Variants in MEIKIN observed in about 807,000 individuals in gnomAD.
MEIKIN encodes meiotic kinetochore factor.
intron 8 of MEIKIN, among the ~76,000 whole-genome samples, chr5:131,888,575 A>T (rs1561745344): frequency 6.6e-6 from 1 of 151,452 alleles, no homozygotes; most frequent in Non-Finnish European, 1.5e-5. Flanking sequence ...TTTTCTTGTA[A>T]ATTTGTTTGA....
intron 9 of MEIKIN, among the ~76,000 whole-genome samples, chr5:131,860,400 A>G (rs1750263645): frequency 6.9e-6 from 1 of 145,286 alleles, no homozygotes; most frequent in South Asian, 2.1e-4. Context: ...GCTTGTTTGC[A>G]TCCTGCGGCT....
chr5:131,896,937 G>A (rs1310146237), intron 8 of MEIKIN, among the ~76,000 whole-genome samples: 1 of 152,162 alleles, frequency 6.6e-6, no homozygotes, highest in Non-Finnish European at 1.5e-5. Context: ...GATGTTAGCT[G>A]GTTATTTTGC....
intron 4 of MEIKIN, among the ~76,000 whole-genome samples, chr5:131,934,151 C>T (rs940287856): frequency 2.0e-5 from 3 of 150,694 alleles, no homozygotes; most frequent in Admixed American, 6.6e-5. Flanking sequence ...TTAGTAGAGA[C>T]GGGGTTTTAC....
chr5:131,925,922 C>T (rs954089426), intron 5 of MEIKIN, among the ~76,000 whole-genome samples: 8 of 152,138 alleles, frequency 5.3e-5, no homozygotes, highest in African/African-American at 1.9e-4. Context: ...CCCGCCTTGG[C>T]CTCTTAAAGT....
intron 8 of MEIKIN, among the ~76,000 whole-genome samples, chr5:131,908,339 C>A (rs1751278627): frequency 6.6e-6 from 1 of 152,086 alleles, no homozygotes; most frequent in East Asian, 1.9e-4. Flanking sequence ...ACCATATGAT[C>A]ATTTAAATTA....
chr5:131,904,454 C>T (rs77522543), intron 8 of MEIKIN, among the ~76,000 whole-genome samples: 3,730 of 152,228 alleles, frequency 0.025, 63 homozygotes, highest in Non-Finnish European at 0.038. Context: ...TGAAATCATA[C>T]CAACCACTCT....
At chr5:131,888,346 T>C (rs1750840178) in intron 8 of MEIKIN, among the ~76,000 whole-genome samples, 2 of 142,212 alleles carry the variant, frequency 1.4e-5, no homozygotes, top group Admixed American at 1.4e-4. Flanking sequence ...AGTGTTCCTA[T>C]TTCTCCACAT....
chr5:131,850,662 C>T (rs563377756), intron 11 of MEIKIN, among the ~76,000 whole-genome samples: 1 of 151,978 alleles, frequency 6.6e-6, no homozygotes, highest in South Asian at 2.1e-4. Flanking sequence ...TAATACTATA[C>T]ACAAAAATTA....
intron 9 of MEIKIN, among the ~76,000 whole-genome samples, chr5:131,862,700 G>T (rs1045997667): frequency 2.6e-5 from 4 of 151,968 alleles, no homozygotes; most frequent in South Asian, 4.1e-4. Context: ...TTTATTTCAA[G>T]AATTTTTTTT....
chr5:131,873,712 C>G (rs191696758), intron 9 of MEIKIN, among the ~76,000 whole-genome samples: 18 of 152,156 alleles, frequency 1.2e-4, no homozygotes, highest in African/African-American at 3.9e-4. Context: ...TTCAGCACCA[C>G]ACCTATTCCA....
chr5:131,815,162 G>A (rs977494903), intron 12 of MEIKIN, among the ~76,000 whole-genome samples: 13 of 152,130 alleles, frequency 8.5e-5, no homozygotes, highest in South Asian at 2.1e-4. Flanking sequence ...AGGAACTCAC[G>A]TCACAGCAAA....
chr5:131,934,039 G>A (rs778537990), intron 4 of MEIKIN, among the ~76,000 whole-genome samples: 6 of 151,800 alleles, frequency 4.0e-5, no homozygotes, highest in Non-Finnish European at 8.8e-5. Flanking sequence ...TCCGCCTCCC[G>A]GGTCCCAGTT....
intron 7 of MEIKIN, among the ~76,000 whole-genome samples, chr5:131,915,570 G>GA (rs1751403844): frequency 6.6e-6 from 1 of 152,080 alleles, no homozygotes; most frequent in Admixed American, 6.5e-5. Flanking sequence ...AATTATGTCA[G>GA]AAAAACAGGC....
At chr5:131,870,503 G>A (rs967331381) in intron 9 of MEIKIN, among the ~76,000 whole-genome samples, 19 of 151,606 alleles carry the variant, frequency 1.3e-4, no homozygotes, top group East Asian at 9.7e-4. Flanking sequence ...CCGTTTCCAC[G>A]ACTTAAAAAA....
Position 131,860,714 on chromosome 5 carries a change from T to C in MEIKIN, c.775-5880A>G, listed in dbSNP as rs1186062485. 2.1e-5 allele frequency among the ~76,000 whole-genome samples: 3 copies of C among 146,248 alleles called. No individual in the cohort carries two copies. The Admixed American group carries it at 2.1e-4, about 10-fold the overall frequency. ...CACCCACCTCAGGCTCCCAAAGTGC[T>C]GGGATTACAGGCGTGAGCCACCATG... On this transcript the variant is annotated intron_variant, in intron 9 of 12. Transcript: ENST00000442687.
At chr5:131,942,734 A>G in intron 3 of MEIKIN, 39 bp from the exon 4 acceptor site, 1 of 397,658 alleles carries the variant, frequency 2.5e-6, no homozygotes, top group Non-Finnish European at 4.4e-6. Flanking sequence ...CAAAATTATG[A>G]GATTGACCAT....
chr5:131,925,577 T>A (rs1055311535), intron 5 of MEIKIN, among the ~76,000 whole-genome samples: 4 of 152,198 alleles, frequency 2.6e-5, no homozygotes, highest in African/African-American at 4.8e-5. Flanking sequence ...ATTGCTAGGA[T>A]ATAGAAACAC....
chr5:131,815,765 C>T (rs967264232), intron 12 of MEIKIN, among the ~76,000 whole-genome samples: 5 of 152,200 alleles, frequency 3.3e-5, no homozygotes, highest in Non-Finnish European at 5.9e-5. Context: ...TAATGGAAAA[C>T]TACAACAACC....
chr5:131,848,474 T>G (rs1054891814), intron 11 of MEIKIN, among the ~76,000 whole-genome samples: 9 of 152,028 alleles, frequency 5.9e-5, no homozygotes, highest in Non-Finnish European at 1.0e-4. Flanking sequence ...TACTAAATCA[T>G]GCAGAAATAG....
Sources: allele counts gnomAD v4.1 joint callset (sites outside exome capture counted in the v4.1 genomes callset), GRCh38; gene constraint gnomAD v4.1.1; transcripts MANE v1.5; gene names NCBI Gene and HGNC (gene_info 2026-07-23, HGNC 2026-07-21).